The following ANKHD1 variants were observed in gnomAD, a reference collection of about 807,000 sequenced individuals.
ANKHD1 encodes the protein ankyrin repeat and KH domain containing 1, also known as ankyrin repeat and KH domain-containing protein 1.
Under a neutral mutation model 230.5 loss-of-function variants are expected in ANKHD1, and 31 were observed. The observed-to-expected ratio is 0.13, with a 90% CI of 0.10 to 0.18. ANKHD1 has a LOEUF of 0.18. ANKHD1 is among the 10% of genes least tolerant of loss of function. The pLI, the probability that ANKHD1 is intolerant of heterozygous loss-of-function variation, is 1.00. For missense variants in ANKHD1, 2,256 were observed against 3,071.3 expected (o/e 0.73, Z 6.27); for synonymous variants, 1,074 against 1,117.6 (o/e 0.96, Z 0.78).
At chr5:140,460,394 G>T (rs146641322) in intron 9 of ANKHD1, among the ~76,000 whole-genome samples, 430 of 151,952 alleles carry the variant, frequency 2.8e-3, no homozygotes, top group African/African-American at 9.6e-3. Context: ...ATATGTAAAA[G>T]AAAATAAAAT....
Position 140,528,300 on chromosome 5 carries a change from C to G in ANKHD1, c.5354C>G (p.Thr1785Ser), listed in dbSNP as rs1753687507. The G allele has an allele frequency of 6.2e-7, 1 of 1,613,960 alleles. No individual in the cohort carries two copies. The highest frequency in any genetic ancestry group is 8.5e-7 in the Non-Finnish European group (1 of 1,179,982). Residue 1785 changes from threonine to serine, a missense_variant, in exon 29 of 34, where the codon ACC becomes AGC. Coordinates refer to ENST00000360839, the MANE Select transcript of ANKHD1 (RefSeq NM_017747.3). Reference protein sequence around the residue: ...PKNHIRTPASTKSIHANFSSG... With the variant: ...PKNHIRTPASSKSIHANFSSG... ...AATCATATCAGAACACCTGCCAGCACCAAATCAATTCATGCTAACTTCTCA... is the reference window on the plus strand; with the variant it reads ...AATCATATCAGAACACCTGCCAGCAGCAAATCAATTCATGCTAACTTCTCA...
At chr5:140,521,796 A>T (rs1192369462) in intron 24 of ANKHD1, among the ~76,000 whole-genome samples, 1 of 152,054 alleles carries the variant, frequency 6.6e-6, no homozygotes, top group Non-Finnish European at 1.5e-5. Flanking sequence ...GCTGGCTAAC[A>T]TGGTAAAACC....
chr5:140,491,596 G>C (rs1163978988), intron 14 of ANKHD1, among the ~76,000 whole-genome samples: 1 of 151,994 alleles, frequency 6.6e-6, no homozygotes, highest in Non-Finnish European at 1.5e-5. Flanking sequence ...CTATAGCATA[G>C]TGCTTCACAC....
Position 140,505,434 on chromosome 5 carries a change from A to G in ANKHD1, c.3262+201A>G, listed in dbSNP as rs146864797. ...AAATTAGACGTAGATCATTAGTGAA[A>G]TAGAGCAAGTTGTGGTTGCCTTTGT... On this transcript the variant is annotated intron_variant, in intron 17 of 33. Transcript: ENST00000360839. Among the ~76,000 whole-genome samples, 5 of 152,366 alleles carry G rather than the reference A, an allele frequency of 3.3e-5. No homozygotes were observed. In the East Asian group the frequency reaches 9.6e-4, roughly 29 times the overall value.
intron 7 of ANKHD1, among the ~76,000 whole-genome samples, chr5:140,457,828 A>G (rs1775331175): frequency 2.0e-5 from 3 of 152,044 alleles, no homozygotes; most frequent in Admixed American, 6.6e-5. Flanking sequence ...TGTTGTGCAC[A>G]TGTACCCTAG....
At chr5:140,449,379 T>C in intron 7 of ANKHD1, 74 bp downstream of exon 7, 2 of 1,517,918 alleles carry the variant, frequency 1.3e-6, no homozygotes, top group Non-Finnish European at 1.8e-6. Flanking sequence ...TTAAGAGTGA[T>C]TAATTGCCAG....
intron 10 of ANKHD1, among the ~76,000 whole-genome samples, chr5:140,477,578 C>CT (rs2127006215): frequency 6.6e-6 from 1 of 152,290 alleles, no homozygotes; most frequent in South Asian, 2.1e-4. Flanking sequence ...ATAAAGTCTT[C>CT]TTTAATTCCA....
At position 140,401,957 on chromosome 5, in the gene ANKHD1, G is replaced by A. The variant is rs780000096; in HGVS notation, c.-11G>A. The A allele has an allele frequency of 3.2e-6, 5 of 1,565,846 alleles. No homozygotes were observed. Among genetic ancestry groups the A allele is most frequent in the Non-Finnish European group, 4.3e-6 (5 of 1,160,518 alleles). ...GTGGGTCGGCACCGTCTCCGGCTCC[G>A]GGTGCGAACAATGCTGACTGATAGC... is the stretch of plus-strand genomic sequence containing the variant. On this transcript the variant is annotated 5_prime_UTR_variant, in exon 1 of 34. Transcript: ENST00000360839.
At chr5:140,483,294 A>G (rs1048816739) in intron 11 of ANKHD1, among the ~76,000 whole-genome samples, 2 of 152,150 alleles carry the variant, frequency 1.3e-5, no homozygotes, top group Non-Finnish European at 2.9e-5. Context: ...ATAGTGTCAG[A>G]AATACTGTGG....
intron 10 of ANKHD1, among the ~76,000 whole-genome samples, chr5:140,477,613 AC>A (rs1751036746): frequency 6.6e-6 from 1 of 152,132 alleles, no homozygotes; most frequent in Admixed American, 6.5e-5. Context: ...GAAGGAAAAT[AC>A]TTTTTCTTTT....
At chr5:140,411,677 A>C (rs1424957032) in intron 1 of ANKHD1, among the ~76,000 whole-genome samples, 1 of 150,648 alleles carries the variant, frequency 6.6e-6, no homozygotes, top group Non-Finnish European at 1.5e-5. Context: ...CCACCACCAT[A>C]CCCAGCTAAT....
rs1355353369 is a variant in ANKHD1 at position 140,524,144 on chromosome 5, G to A, written c.4396G>A (p.Glu1466Lys). The A allele has an allele frequency of 1.3e-6, 2 of 1,596,668 alleles. No homozygotes were observed. Among genetic ancestry groups the A allele is most frequent in the East Asian group, 2.2e-5 (1 of 44,464 alleles). Residue 1466 changes from glutamate to lysine, a missense_variant, in exon 25 of 34, where the codon GAA becomes AAA. Physicochemically the swap from Glu to Lys is moderately conservative, Grantham distance 56 (BLOSUM62 1). Around this residue, in one of 13 missense-constraint regions of ANKHD1, gnomAD observed 195 missense variants for 340.3 expected, o/e 0.57. Coordinates refer to ENST00000360839, the MANE Select transcript of ANKHD1 (RefSeq NM_017747.3). ...RKEKRKKKKE[E>K]QKRKQEEDEE... ...AGAAAAGAGAAAAAAGAAAAAAGAGGAACAGAAAAGGAAACAGGAAGAAGA... is the reference window on the plus strand; with the variant it reads ...AGAAAAGAGAAAAAAGAAAAAAGAGAAACAGAAAAGGAAACAGGAAGAAGA...
chr5:140,510,309 CTTTTTTTTTT>C (rs34693244), intron 22 of ANKHD1, 128 bp downstream of exon 22: 31 of 540,000 alleles, frequency 5.7e-5, no homozygotes, highest in East Asian at 6.9e-5. Flanking sequence ...TCTTTCCATT[CTTTTTTTTTT>C]TTTTTTTTTT....
chr5:140,442,030 A>ATTTTTTTTTTTTTTTT (rs1561726990), intron 5 of ANKHD1, among the ~76,000 whole-genome samples: 25 of 134,558 alleles, frequency 1.9e-4, no homozygotes, highest in African/African-American at 6.8e-4. Context: ...CTAATAAGAT[A>ATTTTTTTTTTTTTTTT]TTCTTTTTTT....
intron 1 of ANKHD1, among the ~76,000 whole-genome samples, chr5:140,402,708 C>T (rs1770065341): frequency 6.6e-6 from 1 of 152,174 alleles, no homozygotes; most frequent in South Asian, 2.1e-4. Flanking sequence ...GTTTATTTGC[C>T]TTCTGCCTTG....
chr5:140,456,265 C>T (rs573386993), intron 7 of ANKHD1, among the ~76,000 whole-genome samples: 12 of 152,240 alleles, frequency 7.9e-5, no homozygotes, highest in African/African-American at 2.6e-4. Flanking sequence ...GATTCAATAT[C>T]GTGAAAATGG....
At chr5:140,516,227 G>A (rs919949700) in intron 24 of ANKHD1, among the ~76,000 whole-genome samples, 9 of 152,120 alleles carry the variant, frequency 5.9e-5, no homozygotes, top group African/African-American at 1.7e-4. Flanking sequence ...AAAATGAAGC[G>A]AGAAGGGAAG....
At chr5:140,493,794 T>C (rs1418133197) in intron 14 of ANKHD1, among the ~76,000 whole-genome samples, 1 of 152,214 alleles carries the variant, frequency 6.6e-6, no homozygotes, top group Admixed American at 6.5e-5. Context: ...TTACTCTTAG[T>C]AATCTTGTGT....
chr5:140,487,499 G>C (rs1221564777), intron 14 of ANKHD1, among the ~76,000 whole-genome samples: 1 of 152,162 alleles, frequency 6.6e-6, no homozygotes, highest in Non-Finnish European at 1.5e-5. Flanking sequence ...TTGCATTTAT[G>C]CAATGCTGAA....
Sources: gnomAD v4.1 joint callset for allele counts (sites outside exome capture counted in the v4.1 genomes callset) on GRCh38, gnomAD v4.1.1 for gene constraint, gnomAD v4.1.1 regional missense constraint, MANE v1.5 for transcripts, NCBI Gene and HGNC (gene_info 2026-07-23, HGNC 2026-07-21) for gene names.